The following MSI2 variants were observed in gnomAD, a reference collection of about 807,000 sequenced individuals.
MSI2 encodes the protein RNA-binding protein Musashi homolog 2.
Under a neutral mutation model 45.6 loss-of-function variants are expected in MSI2, and 17 were observed. The observed-to-expected ratio is 0.37, with a 90% CI of 0.26 to 0.56. The LOEUF (loss-of-function observed/expected upper bound fraction) is 0.56. Among genes scored for constraint, MSI2 ranks in the 20% least tolerant of loss-of-function variants. MSI2 has a pLI of 0.77. For missense variants in MSI2, 293 were observed against 444.2 expected, an observed-to-expected ratio of 0.66 and a Z score of 3.06; for synonymous variants, 156 against 158.2, an observed-to-expected ratio of 0.99 and a Z score of 0.11.
chr17:57,595,968 C>G (rs973362124), intron 7 of MSI2, among the ~76,000 whole-genome samples: 2 of 152,216 alleles, frequency 1.3e-5, no homozygotes, highest in Non-Finnish European at 2.9e-5. Context: ...GTGTCTGCCC[C>G]CATGGCCTGT....
At chr17:57,513,165 G>C (rs1197655496) in intron 6 of MSI2, among the ~76,000 whole-genome samples, 1 of 151,756 alleles carries the variant, frequency 6.6e-6, no homozygotes. Flanking sequence ...GTAGAGATGG[G>C]GTTTCACCGT....
At chr17:57,471,783 C>T (rs1004893040) in intron 6 of MSI2, among the ~76,000 whole-genome samples, 2 of 152,176 alleles carry the variant, frequency 1.3e-5, no homozygotes, top group East Asian at 3.9e-4. Context: ...GACAAGTACC[C>T]TCTCAGCCCT....
intron 5 of MSI2, among the ~76,000 whole-genome samples, chr17:57,401,160 A>G (rs114738832): frequency 1.3e-5 from 2 of 152,178 alleles, no homozygotes; most frequent in Admixed American, 1.3e-4. Flanking sequence ...CTGTGTCTGT[A>G]TGAAACTCAA....
chr17:57,468,062 T>C (rs190429377), intron 6 of MSI2, among the ~76,000 whole-genome samples: 13 of 151,980 alleles, frequency 8.6e-5, no homozygotes, highest in Admixed American at 7.9e-4. Context: ...GGATAAGAGC[T>C]CAGGCTCTAG....
At position 57,652,108 on chromosome 17, in the gene MSI2, C is replaced by A. The variant is rs756420423; in HGVS notation, c.737C>A (p.Ala246Glu). 1 of 1,614,118 alleles carries A rather than the reference C, an allele frequency of 6.2e-7. No homozygotes were observed. Among genetic ancestry groups the A allele is most frequent in the Non-Finnish European group, 8.5e-7 (1 of 1,180,002 alleles). The change falls in exon 11 of 14, where the codon GCA becomes GAA. Residue 246 changes from alanine (A) to glutamate (E), a missense_variant. Physicochemically the swap from Ala to Glu is moderately radical, Grantham distance 107. Transcript: ENST00000284073. The surrounding 1 kb of genome is among the most constrained non-coding windows in gnomAD (Gnocchi z 4.1). ...SYGYQFPGFP[A>E]AAYGPVAAAA... The stretch of plus-strand genomic sequence containing the variant: ...TCTCTCTCCTGACCAGGCTTCCCAG[C>A]AGCGGCTTATGGACCAGTGGCAGCA...
chr17:57,673,098 G>C (rs1912937485), intron 11 of MSI2, among the ~76,000 whole-genome samples: 1 of 152,224 alleles, frequency 6.6e-6, no homozygotes, highest in South Asian at 2.1e-4. Flanking sequence ...GGAGGCTTCA[G>C]TTCTGTTTTC....
chr17:57,632,991 C>T, intron 10 of MSI2: 1 of 1,048,672 alleles, frequency 9.5e-7, no homozygotes, highest in Non-Finnish European at 1.2e-6. Flanking sequence ...TTTTCCCCAT[C>T]TCCATATTTT....
In MSI2 at chr17:57,347,203, GC is replaced by G. The variant is rs563926588; in HGVS notation, c.313-54173del. 4.0e-4 allele frequency among the ~76,000 whole-genome samples: 61 copies of G among 152,262 alleles called. 2 individuals are homozygous for G. The South Asian group carries it at 0.012, about 31-fold the overall frequency. On this transcript the variant is annotated intron_variant, in intron 5 of 13. Transcript: ENST00000284073. ...TTGTTCCTGGAAATGAGTTCTAGAAGCCCTGGCCCTTAGGTTGCCATAGATA... is the reference window on the plus strand; with the variant it reads ...TTGTTCCTGGAAATGAGTTCTAGAAGCCTGGCCCTTAGGTTGCCATAGATA...
chr17:57,305,786 T>C (rs1911830438), intron 5 of MSI2, among the ~76,000 whole-genome samples: 1 of 152,184 alleles, frequency 6.6e-6, no homozygotes, highest in Non-Finnish European at 1.5e-5. Flanking sequence ...TGAGTTGGCT[T>C]TCCCTTTATC....
At chr17:57,445,769 C>T (rs902955929) in intron 6 of MSI2, among the ~76,000 whole-genome samples, 7 of 152,122 alleles carry the variant, frequency 4.6e-5, no homozygotes, top group East Asian at 1.9e-4. Context: ...CAGTGTTCCC[C>T]GGAGGTGTCT....
At chr17:57,406,282 A>G (rs572348890) in intron 6 of MSI2, among the ~76,000 whole-genome samples, 24 of 152,184 alleles carry the variant, frequency 1.6e-4, no homozygotes, top group Non-Finnish European at 3.4e-4. Flanking sequence ...TTCTCCCGGC[A>G]GAGCCACCCG....
intron 5 of MSI2, among the ~76,000 whole-genome samples, chr17:57,317,507 T>C (rs1367766392): frequency 4.1e-5 from 3 of 72,918 alleles, no homozygotes; most frequent in South Asian, 3.8e-4. Flanking sequence ...ATAGTTTTGC[T>C]TTTTTTTTTT....
intron 5 of MSI2, among the ~76,000 whole-genome samples, chr17:57,329,945 T>TG (rs889861233): frequency 4.6e-5 from 7 of 152,120 alleles, no homozygotes; most frequent in African/African-American, 1.4e-4. Context: ...TTTTTGTTTT[T>TG]TTTTTTTGGT....
intron 5 of MSI2, among the ~76,000 whole-genome samples, chr17:57,345,124 G>A (rs908341391): frequency 4.6e-5 from 7 of 152,020 alleles, no homozygotes; most frequent in African/African-American, 1.2e-4. Context: ...TCTTGCATCC[G>A]ACAACCACCC....
chr17:57,418,725 C>T (rs973677717), intron 6 of MSI2, among the ~76,000 whole-genome samples: 2 of 152,170 alleles, frequency 1.3e-5, no homozygotes, highest in Non-Finnish European at 2.9e-5. Flanking sequence ...TTTTATGCAG[C>T]TTTATGCGAC....
chr17:57,590,232 T>C (rs1029731292), intron 7 of MSI2, among the ~76,000 whole-genome samples: 42 of 152,204 alleles, frequency 2.8e-4, no homozygotes, highest in Admixed American at 1.3e-4. Context: ...CCCATTAGTG[T>C]TCATTGACCT....
chr17:57,574,181 C>G (rs1465604708), intron 7 of MSI2, among the ~76,000 whole-genome samples: 1 of 152,178 alleles, frequency 6.6e-6, no homozygotes, highest in South Asian at 2.1e-4. Flanking sequence ...CCAGCAATGC[C>G]GCTGCTCCTC....
intron 6 of MSI2, among the ~76,000 whole-genome samples, chr17:57,447,148 C>T (rs145822076): frequency 3.3e-4 from 51 of 152,260 alleles, no homozygotes; most frequent in African/African-American, 9.9e-4. Flanking sequence ...AGTGCAGTGA[C>T]GCGATCATAA....
At chr17:57,673,058 ACCTTCGGGCTTCCCGC>A (rs1157804359) in intron 11 of MSI2, among the ~76,000 whole-genome samples, 1 of 152,146 alleles carries the variant, frequency 6.6e-6, no homozygotes, top group Non-Finnish European at 1.5e-5. Flanking sequence ...AGAGGGGCTC[ACCTTCGGGCTTCCCGC>A]CCCAAGGGCA....
Sources: allele counts gnomAD v4.1 joint callset (sites outside exome capture counted in the v4.1 genomes callset), GRCh38; gene constraint gnomAD v4.1.1; non-coding constraint Gnocchi (gnomAD v3.1); transcripts MANE v1.5; gene names NCBI Gene and HGNC (gene_info 2026-07-23, HGNC 2026-07-21).